Variants in FBXO11 observed in about 807,000 individuals in gnomAD.
FBXO11 encodes the protein F-box only protein 11.
Under a neutral mutation model 117.0 loss-of-function variants are expected in FBXO11, and 13 were observed. The ratio of observed to expected loss-of-function variants is 0.11; its 90% CI spans 0.07 to 0.18. The LOEUF (loss-of-function observed/expected upper bound fraction) is 0.18, where lower values mean the gene tolerates loss of function less well. Among genes scored for constraint, FBXO11 ranks in the 10% least tolerant of loss-of-function variants. The probability of loss-of-function intolerance (pLI) is 1.00; values close to 1 mark genes in which losing one functional copy is unlikely to be tolerated. For synonymous variants in FBXO11, 490 were observed against 380.5 expected (o/e 1.29, Z -3.35); for missense variants, 767 against 1,164.4 (o/e 0.66, Z 4.97).
intron 1 of FBXO11, among the ~76,000 whole-genome samples, chr2:47,883,214 C>T (rs1358889682): frequency 2.6e-5 from 4 of 152,154 alleles, no homozygotes; most frequent in South Asian, 4.1e-4. Context: ...TTTTATTTTG[C>T]GTAACAGAAT....
At chr2:47,881,013 G>C (rs896548067) in intron 1 of FBXO11, among the ~76,000 whole-genome samples, 10 of 152,200 alleles carry the variant, frequency 6.6e-5, no homozygotes, top group African/African-American at 2.4e-4. Flanking sequence ...CCAGCACTTT[G>C]GGAGGCTGAG....
At chr2:47,844,329 G>A (rs185611083) in intron 1 of FBXO11, among the ~76,000 whole-genome samples, 2 of 152,164 alleles carry the variant, frequency 1.3e-5, no homozygotes, top group Admixed American at 6.5e-5. Context: ...TTTGACTAGT[G>A]GGCACTTTTT....
intron 1 of FBXO11, among the ~76,000 whole-genome samples, chr2:47,858,392 A>G (rs1674477359): frequency 6.6e-6 from 1 of 151,788 alleles, no homozygotes; most frequent in Admixed American, 6.6e-5. Context: ...AATGAAAAAC[A>G]TAATACAGGC....
rs562381351 is a variant in FBXO11, at chr2:47,901,063, G to GTA, written c.232+4424_232+4425dup. Among the ~76,000 whole-genome samples, 77 of 107,636 alleles carry GTA rather than the reference G, an allele frequency of 7.2e-4. 1 individual carries two copies. The highest frequency in any genetic ancestry group is 5.1e-3 in the Middle Eastern group (1 of 196). 70.6% of individuals were successfully genotyped at this position (107,636 alleles called of 152,430 possible). A position where few individuals can be genotyped will look rare whatever the true frequency, so the allele number is the denominator to read the frequency against. On this transcript the variant is annotated intron_variant, in intron 1 of 22. Coordinates refer to ENST00000403359, the MANE Select transcript of FBXO11 (RefSeq NM_001190274.2). ...TGTGTACATATATACACATATATAT[G>GTA]TATATATATACACACGTGTGTACAT...
intron 1 of FBXO11, among the ~76,000 whole-genome samples, chr2:47,856,189 T>C (rs1288968920): frequency 2.6e-5 from 4 of 152,186 alleles, no homozygotes; most frequent in South Asian, 4.1e-4. Context: ...CACAGTGATA[T>C]GTGGATCTCA....
chr2:47,838,688 A>G (rs748418331), intron 4 of FBXO11, among the ~76,000 whole-genome samples, 171 bp downstream of exon 4: 6 of 152,356 alleles, frequency 3.9e-5, no homozygotes, highest in Non-Finnish European at 8.8e-5. Flanking sequence ...CTGATTTATA[A>G]ATACCACCTG....
At chr2:47,847,413 A>C (rs1036132522) in intron 1 of FBXO11, among the ~76,000 whole-genome samples, 4 of 152,208 alleles carry the variant, frequency 2.6e-5, no homozygotes, top group African/African-American at 9.6e-5. Context: ...GGTACAGTAA[A>C]AATATAGTAT....
chr2:47,895,806 C>A (rs1037830556), intron 1 of FBXO11, among the ~76,000 whole-genome samples: 9 of 152,106 alleles, frequency 5.9e-5, no homozygotes, highest in African/African-American at 2.2e-4. Context: ...GATTCTCCTG[C>A]CTCAGCCTCC....
intron 1 of FBXO11, among the ~76,000 whole-genome samples, chr2:47,901,134 TATATATACACACGTGTGTAC>T (rs1486070874): frequency 8.3e-6 from 1 of 120,362 alleles, no homozygotes; most frequent in Admixed American, 7.9e-5. Flanking sequence ...TGTACATGTA[TATATATACACACGTGTGTAC>T]ATATATACAT....
At chr2:47,828,434 C>A (rs1671925880) in intron 11 of FBXO11, among the ~76,000 whole-genome samples, 1 of 152,024 alleles carries the variant, frequency 6.6e-6, no homozygotes, top group Admixed American at 6.6e-5. Flanking sequence ...ATGGTAAAAC[C>A]CTGTCTGTAC....
Position 47,898,492 on chromosome 2 carries a change from C to A in FBXO11, c.232+6997G>T, listed in dbSNP as rs151111705. Among the ~76,000 whole-genome samples the A allele has an allele frequency of 2.4e-3, 361 of 152,306 alleles. 2 individuals are homozygous for A. Among genetic ancestry groups the A allele is most frequent in the South Asian group, 8.7e-3 (42 of 4,812 alleles). On this transcript the variant is annotated intron_variant, in intron 1 of 22. Transcript: ENST00000403359. ...AAATAGTCCAGCCTACAACCATGAG[C>A]TAAAATCAGTTAATACCCTTTATTC...
chr2:47,836,069 C>A, intron 4 of FBXO11, 68 bp from the exon 5 acceptor site: 2 of 1,171,366 alleles, frequency 1.7e-6, no homozygotes, highest in Non-Finnish European at 1.2e-6. Context: ...TTTTGAACAA[C>A]TATAACAATT....
chr2:47,808,154 A>G lies in FBXO11; in HGVS notation c.2748T>C (p.Ala916=), dbSNP rs1481209759. The G allele has an allele frequency of 3.1e-6, 5 of 1,613,234 alleles. No individual in the cohort carries two copies. Among genetic ancestry groups the G allele is most frequent in the Non-Finnish European group, 4.2e-6 (5 of 1,179,824 alleles). The change falls in exon 23 of 23, where the codon GCT becomes GCC. Residue 916 remains alanine, a synonymous_variant. Transcript: ENST00000403359. ...THDTDTLYDS[A]PPIESNTLQH... Reference sequence around the variant, plus strand: ...GCAATGTATTAGATTCTATAGGTGGAGCAGAGTCATATAGTGTATCTGTAT... The same window carrying G: ...GCAATGTATTAGATTCTATAGGTGGGGCAGAGTCATATAGTGTATCTGTAT...
chr2:47,807,141 A>G lies in FBXO11; in HGVS notation c.*977T>C, dbSNP rs1670267198. The G allele has an allele frequency of 4.9e-6, 2 of 406,606 alleles. No individual in the cohort carries two copies. The highest frequency in any genetic ancestry group is 8.9e-6 in the Non-Finnish European group (2 of 225,172). The allele number at this position is 406,606 out of a possible 1,614,324, so 25.2% of individuals were successfully genotyped here. ...GGGGGAGGAAAAGCTATGAAACTGT[A>G]TAGGGCTGTATATATACTTGTCTCA... is the stretch of plus-strand genomic sequence containing the variant. On this transcript the variant is annotated 3_prime_UTR_variant, in exon 23 of 23. Coordinates refer to ENST00000403359, the MANE Select transcript of FBXO11 (RefSeq NM_001190274.2).
chr2:47,853,729 T>C (rs914262382), intron 1 of FBXO11, among the ~76,000 whole-genome samples: 4 of 152,170 alleles, frequency 2.6e-5, no homozygotes, highest in Non-Finnish European at 5.9e-5. Flanking sequence ...TGATAATACT[T>C]AACAGTACCT....
intron 1 of FBXO11, among the ~76,000 whole-genome samples, chr2:47,904,225 TAACCTTAATCCGCCAAC>T (rs1678554564): frequency 1.3e-5 from 2 of 152,190 alleles, no homozygotes; most frequent in Non-Finnish European, 2.9e-5. Flanking sequence ...CATGTAAAAT[TAACCTTAATCCGCCAAC>T]TAAAACACGC....
At position 47,905,761 on chromosome 2, in the gene FBXO11, C is replaced by G; in HGVS notation, c.-41G>C. 2 of 1,505,690 alleles carry G rather than the reference C, an allele frequency of 1.3e-6. No individual in the cohort carries two copies. Among genetic ancestry groups the G allele is most frequent in the South Asian group, 1.2e-5 (1 of 82,916 alleles). The allele number at this position is 1,505,690 out of a possible 1,614,324, so 93.3% of individuals were successfully genotyped here. ...GGCGGCGTTGGCGGAGGGACACACA[C>G]ACGCACACGCACAGCGAGCTTCGGG... On this transcript the variant is annotated 5_prime_UTR_variant, in exon 1 of 23. Transcript: ENST00000403359.
At chr2:47,844,965 T>C (rs1487125724) in intron 1 of FBXO11, among the ~76,000 whole-genome samples, 1 of 152,194 alleles carries the variant, frequency 6.6e-6, no homozygotes, top group East Asian at 1.9e-4. Flanking sequence ...TTGATATGTT[T>C]GTAGTATGCA....
At chr2:47,886,196 C>T (rs1279155807) in intron 1 of FBXO11, among the ~76,000 whole-genome samples, 1 of 152,000 alleles carries the variant, frequency 6.6e-6, no homozygotes, top group Non-Finnish European at 1.5e-5. Context: ...CCCTTTGACC[C>T]AATAACCCAC....
Sources: gnomAD v4.1 joint callset for allele counts (sites outside exome capture counted in the v4.1 genomes callset) on GRCh38, gnomAD v4.1.1 for gene constraint, MANE v1.5 for transcripts, NCBI Gene and HGNC (gene_info 2026-07-23, HGNC 2026-07-21) for gene names.